Variants in RSRC1 observed in about 807,000 individuals in gnomAD.
The protein encoded by RSRC1 is arginine and serine rich coiled-coil 1, also known as serine/Arginine-related protein 53.
Under a neutral mutation model 49.1 loss-of-function variants are expected in RSRC1, and 39 were observed. That is an observed-to-expected ratio of 0.79 (90% confidence interval 0.61 to 1.04). The LOEUF is 1.04. Among genes scored for constraint, RSRC1 ranks in the 50% least tolerant of loss-of-function variants. The probability of loss-of-function intolerance (pLI) is 0.00; values close to 1 mark genes in which losing one functional copy is unlikely to be tolerated. For synonymous variants in RSRC1, 143 were observed against 130.8 expected, an observed-to-expected ratio of 1.09 and a Z score of -0.63; for missense variants, 388 against 402.4, an observed-to-expected ratio of 0.96 and a Z score of 0.31.
chr3:158,205,256 C>A (rs1721282435), intron 4 of RSRC1, among the ~76,000 whole-genome samples: 1 of 152,100 alleles, frequency 6.6e-6, no homozygotes, highest in African/African-American at 2.4e-5. Flanking sequence ...CTTTCCCTTG[C>A]TTAGTGCTGA....
chr3:158,200,249 C>T lies in RSRC1; in HGVS notation c.321-2823C>T, dbSNP rs539845856. ...GAGACAGGGTTTCACCATGTTAGCC[C>T]GGATGGTCTCGATCTCCTGACCTCG... On this transcript the variant is annotated intron_variant, in intron 3 of 9. Transcript: ENST00000611884. 2.1e-3 allele frequency among the ~76,000 whole-genome samples: 312 copies of T among 152,014 alleles called. 1 individual carries two copies. Among genetic ancestry groups the T allele is most frequent in the Middle Eastern group, 3.4e-3 (1 of 294 alleles).
intron 4 of RSRC1, chr3:158,275,801 TA>T: frequency 2.1e-6 from 1 of 472,832 alleles, no homozygotes; most frequent in Non-Finnish European, 3.6e-6. Context: ...TTACAAACTT[TA>T]CCTATATTAG....
chr3:158,127,529 T>TA (rs571142902), intron 3 of RSRC1, among the ~76,000 whole-genome samples: 72 of 152,190 alleles, frequency 4.7e-4, no homozygotes, highest in African/African-American at 1.7e-3. Flanking sequence ...GCTTTTTTTT[T>TA]ATGTAATTTC....
chr3:158,440,132 A>T (rs555130734), intron 6 of RSRC1, among the ~76,000 whole-genome samples: 6 of 152,102 alleles, frequency 3.9e-5, no homozygotes, highest in Non-Finnish European at 7.4e-5. Flanking sequence ...TTAAAATAAA[A>T]TTTTTTAAAA....
At chr3:158,167,988 C>T (rs1482864068) in intron 3 of RSRC1, among the ~76,000 whole-genome samples, 1 of 152,164 alleles carries the variant, frequency 6.6e-6, no homozygotes, top group Non-Finnish European at 1.5e-5. Flanking sequence ...TGTCAGTCTA[C>T]CTACCATCAG....
Position 158,284,599 on chromosome 3 carries a change from A to G in RSRC1, c.495-13440A>G, listed in dbSNP as rs1262524708. ...TGATTGCCATTCTAACTGGTGTGAG[A>G]TGGTATCTCATTGTGGTTTTGATTT... On this transcript the variant is annotated intron_variant, in intron 4 of 9. Transcript: ENST00000611884. Among the ~76,000 whole-genome samples, 6 of 144,884 alleles carry G rather than the reference A, an allele frequency of 4.1e-5. No individual in the cohort carries two copies. In the East Asian group the frequency reaches 1.2e-3, roughly 30 times the overall value.
chr3:158,284,893 T>C (rs529554363), intron 4 of RSRC1, among the ~76,000 whole-genome samples: 10 of 151,978 alleles, frequency 6.6e-5, no homozygotes, highest in Admixed American at 1.3e-4. Flanking sequence ...AGCTCTTTAG[T>C]TTAATTAAAT....
At chr3:158,421,074 G>A (rs955668451) in intron 6 of RSRC1, among the ~76,000 whole-genome samples, 9 of 151,770 alleles carry the variant, frequency 5.9e-5, no homozygotes, top group African/African-American at 2.2e-4. Flanking sequence ...GGAGTAAAGG[G>A]GTTTTCCCAA....
intron 6 of RSRC1, among the ~76,000 whole-genome samples, chr3:158,382,222 C>T (rs1732741556): frequency 6.6e-6 from 1 of 152,286 alleles, no homozygotes; most frequent in South Asian, 2.1e-4. Flanking sequence ...GGGGCAATAA[C>T]ATCCATGGAG....
chr3:158,276,112 T>C lies in RSRC1; in HGVS notation c.495-21927T>C, dbSNP rs900585748. 3.3e-6 allele frequency: 3 copies of C among 916,610 alleles called. No homozygotes were observed. The African/African-American group carries it at 4.9e-5, about 15-fold the overall frequency. The allele number at this position is 916,610 out of a possible 1,614,324, so 56.8% of individuals were successfully genotyped here. ...AGCCCCACAGTGGCGTCCAGCTCAC[T>C]CCTCTGCAACGGACTGAAGCTGTGA... On this transcript the variant is annotated intron_variant, in intron 4 of 9. Transcript: ENST00000611884.
chr3:158,325,723 G>A (rs1729091234), intron 5 of RSRC1, among the ~76,000 whole-genome samples: 1 of 152,140 alleles, frequency 6.6e-6, no homozygotes, highest in Non-Finnish European at 1.5e-5. Flanking sequence ...CTCTTTTTTG[G>A]TTCCATATGA....
At chr3:158,192,494 G>A (rs1315141955) in intron 3 of RSRC1, among the ~76,000 whole-genome samples, 2 of 152,016 alleles carry the variant, frequency 1.3e-5, no homozygotes, top group East Asian at 3.9e-4. Flanking sequence ...TTAATTAATT[G>A]GTAAGGTGGG....
At chr3:158,496,453 G>A (rs1260792781) in intron 7 of RSRC1, 3 of 152,546 alleles carry the variant, frequency 2.0e-5, no homozygotes, top group African/African-American at 7.2e-5. Flanking sequence ...AGAACCACTG[G>A]AATAGACCTT....
At chr3:158,382,996 T>C (rs1212021889) in intron 6 of RSRC1, among the ~76,000 whole-genome samples, 2 of 152,194 alleles carry the variant, frequency 1.3e-5, no homozygotes, top group African/African-American at 4.8e-5. Context: ...TGCCTAGTTT[T>C]TAAACCTCTG....
chr3:158,363,269 CTTTT>C (rs10635870), intron 6 of RSRC1, among the ~76,000 whole-genome samples: 1 of 141,444 alleles, frequency 7.1e-6, no homozygotes, highest in Non-Finnish European at 1.5e-5. Flanking sequence ...CTTTTTTTTT[CTTTT>C]TTTTTTTTTT....
intron 9 of RSRC1, 92 bp downstream of exon 9, chr3:158,543,579 C>A: frequency 1.5e-6 from 2 of 1,298,314 alleles, no homozygotes; most frequent in South Asian, 3.3e-5. Flanking sequence ...ACCAAGGAGA[C>A]CATTGGAGGA....
At chr3:158,325,234 T>G (rs11707696) in intron 5 of RSRC1, among the ~76,000 whole-genome samples, 47,295 of 152,026 alleles carry the variant, frequency 0.31, 7,597 homozygotes, top group South Asian at 0.39. Flanking sequence ...TTAGTTTAAT[T>G]AGATCCCATT....
intron 3 of RSRC1, among the ~76,000 whole-genome samples, chr3:158,126,928 C>T (rs1236888568): frequency 6.6e-6 from 1 of 151,060 alleles, no homozygotes. Flanking sequence ...TTTTTGCTTT[C>T]AGCACTTTGA....
At chr3:158,392,892 A>T (rs140263943) in intron 6 of RSRC1, among the ~76,000 whole-genome samples, 1 of 152,278 alleles carries the variant, frequency 6.6e-6, no homozygotes, top group Non-Finnish European at 1.5e-5. Context: ...TCTCATCTGC[A>T]TATGGCACAT....
Sources: gnomAD v4.1 joint callset for allele counts (sites outside exome capture counted in the v4.1 genomes callset) on GRCh38, gnomAD v4.1.1 for gene constraint, MANE v1.5 for transcripts, NCBI Gene and HGNC (gene_info 2026-07-23, HGNC 2026-07-21) for gene names.